The following ENY2 variants were observed in gnomAD, a reference collection of about 807,000 sequenced individuals.
ENY2 encodes ENY2 transcription and export complex 2 subunit.
A neutral mutation model predicts 15.9 loss-of-function variants in ENY2; 4 were observed. The observed-to-expected ratio is 0.25, with a 90% confidence interval of 0.12 to 0.57. The LOEUF (loss-of-function observed/expected upper bound fraction) is 0.57. Ranked by LOEUF, ENY2 falls within the 20% of genes least tolerant of loss-of-function variation. ENY2 has a pLI of 0.91. For synonymous variants in ENY2, 48 were observed against 38.0 expected (o/e 1.26, Z -0.97); for missense variants, 54 against 117.2 (o/e 0.46, Z 2.49).
intron 2 of ENY2, among the ~76,000 whole-genome samples, chr8:109,336,917 A>G (rs921259593): frequency 6.6e-6 from 1 of 152,010 alleles, no homozygotes; most frequent in Non-Finnish European, 1.5e-5. Context: ...TAAAGTGAGT[A>G]AGACAAATAT....
chr8:109,338,491 T>C (rs943835972), intron 2 of ENY2: 1 of 152,138 alleles, frequency 6.6e-6, no homozygotes, highest in East Asian at 1.9e-4. Flanking sequence ...AAAGACCTAA[T>C]TAAATATTAA....
chr8:109,334,605 C>A (rs918076203), intron 1 of ENY2, 131 bp downstream of exon 1: 2 of 1,142,384 alleles, frequency 1.8e-6, no homozygotes, highest in South Asian at 1.6e-5. Context: ...GGCGTGCTAC[C>A]GGAGTTGGCC....
At chr8:109,338,806 G>C (rs1816049751) in intron 2 of ENY2, 1 of 152,630 alleles carries the variant, frequency 6.6e-6, no homozygotes, top group East Asian at 1.9e-4. Flanking sequence ...AAATACCATT[G>C]TCATTTTGTA....
In ENY2 at chr8:109,343,615, A is replaced by G. The variant is rs1208533233; in HGVS notation, c.*134A>G. 1.4e-5 allele frequency: 8 copies of G among 587,624 alleles called. No individual in the cohort carries two copies. The Admixed American group carries it at 3.2e-4, about 24-fold the overall frequency. The allele number at this position is 587,624 out of a possible 1,614,324, so 36.4% of individuals were successfully genotyped here. A position where few individuals can be genotyped will look rare whatever the true frequency, so the allele number is the denominator to read the frequency against. The stretch of plus-strand genomic sequence containing the variant: ...TTTTCAGTAATGATGTATACATTGT[A>G]TTGATTTTTTTCCCTAAATGTGTTA... On this transcript the variant is annotated 3_prime_UTR_variant, in exon 5 of 5. Transcript: ENST00000521688.
chr8:109,341,125 T>A (rs1045652281), intron 4 of ENY2, among the ~76,000 whole-genome samples: 2 of 152,140 alleles, frequency 1.3e-5, no homozygotes, highest in African/African-American at 2.4e-5. Context: ...AATATTATGT[T>A]AAAACTGATG....
rs1816084701 is a variant in ENY2, at chr8:109,340,261, A to G, written c.155-228A>G. On this transcript the variant is annotated intron_variant, in intron 3 of 4. Coordinates refer to ENST00000521688, the MANE Select transcript of ENY2 (RefSeq NM_020189.6). ...ACAGTCTAAATTTATTGTAAGTGTC[A>G]CAATTATTTAGTTGCTGGTTATTTA... The G allele has an allele frequency of 1.6e-5, 8 of 515,876 alleles. No individual in the cohort carries two copies. In the East Asian group the frequency reaches 3.0e-4, roughly 19 times the overall value. The allele number at this position is 515,876 out of a possible 1,614,324, so 32.0% of individuals were successfully genotyped here.
Position 109,343,675 on chromosome 8 carries a change from T to G in ENY2, c.*194T>G. On this transcript the variant is annotated 3_prime_UTR_variant, in exon 5 of 5. Transcript: ENST00000521688. ...ATATCTCATGAATGAGTTTGAAGTT[T>G]GCTTGGATTTTGAAATGAATGGGAC... 1 of 498,424 alleles carries G rather than the reference T, an allele frequency of 2.0e-6. No homozygotes were observed. The highest frequency in any genetic ancestry group is 2.0e-5 in the African/African-American group (1 of 50,066). 30.9% of individuals were successfully genotyped at this position (498,424 alleles called of 1,614,324 possible).
Position 109,343,421 on chromosome 8 carries a change from T to C in ENY2, c.246T>C (p.Ser82=). Residue 82 remains serine (S), a synonymous_variant, in exon 5 of 5, where the codon AGT becomes AGC. Transcript: ENST00000521688. ...GTTTTTCAGCCCTGGTACCTGACAG[T>C]GTAAAGAAGGAGCTCCTACAAAGAA... ...TPKGRALVPD[S]VKKELLQRIR... The C allele has an allele frequency of 6.2e-7, 1 of 1,612,124 alleles. No homozygotes were observed. Among genetic ancestry groups the C allele is most frequent in the Non-Finnish European group, 8.5e-7 (1 of 1,179,256 alleles).
In ENY2 at chr8:109,336,048, T is replaced by G. The variant is rs187831643; in HGVS notation, c.7-80T>G. On this transcript the variant is annotated intron_variant, in intron 1 of 4. Transcript: ENST00000521688. ...CCTTCAGTTAATAGAATGGTAAACA[T>G]GTTAGGATGCCTGCCTAGAGGATTT... 2.3e-6 allele frequency: 3 copies of G among 1,292,148 alleles called. No homozygotes were observed. In the Admixed American group the frequency reaches 5.6e-5, roughly 24 times the overall value. 80.0% of individuals were successfully genotyped at this position (1,292,148 alleles called of 1,614,324 possible).
intron 3 of ENY2, chr8:109,339,609 T>C: frequency 2.2e-6 from 1 of 445,156 alleles, no homozygotes; most frequent in Non-Finnish European, 4.0e-6. Context: ...TAAGATTTTC[T>C]CTGGCATCAG....
At chr8:109,340,765 C>A in intron 4 of ENY2, 1 of 564,522 alleles carries the variant, frequency 1.8e-6, no homozygotes, top group Non-Finnish European at 3.1e-6. Context: ...TTCTTGTACT[C>A]TAGAACAGTG....
intron 2 of ENY2, chr8:109,338,850 G>A (rs1648288291): frequency 3.3e-5 from 5 of 153,804 alleles, no homozygotes; most frequent in Admixed American, 3.2e-4. Context: ...GGATCAAAGA[G>A]GTGGGTAGCC....
chr8:109,342,164 C>CCT (rs1491293397), intron 4 of ENY2, among the ~76,000 whole-genome samples: 12 of 130,998 alleles, frequency 9.2e-5, no homozygotes, highest in South Asian at 4.7e-4. Flanking sequence ...TAACCCCCCC[C>CCT]TTTTTTTTTT....
chr8:109,345,176 C>G lies in ENY2; in HGVS notation c.*1695C>G, dbSNP rs557106792. 1 of 152,256 alleles carries G rather than the reference C, an allele frequency of 6.6e-6. No homozygotes were observed. Among genetic ancestry groups the G allele is most frequent in the South Asian group, 2.1e-4 (1 of 4,830 alleles). 9.4% of individuals were successfully genotyped at this position (152,256 alleles called of 1,614,324 possible). A position where few individuals can be genotyped will look rare whatever the true frequency, so the allele number is the denominator to read the frequency against. On this transcript the variant is annotated 3_prime_UTR_variant, in exon 5 of 5. Transcript: ENST00000521688. ...ACTTAGATCCCCCACTACTGTTTTT[C>G]TGTGAGAAGCAGCTATGCATAATTC...
intron 1 of ENY2, 23 bp from the exon 2 acceptor site, chr8:109,336,105 T>A: frequency 6.2e-7 from 1 of 1,610,604 alleles, no homozygotes; most frequent in African/African-American, 1.3e-5. Context: ...GTTCTATATC[T>A]GAAAGTACAT....
chr8:109,336,150 C>G lies in ENY2; in HGVS notation c.29C>G (p.Ala10Gly), dbSNP rs750806375. 1 of 1,613,194 alleles carries G rather than the reference C, an allele frequency of 6.2e-7. No individual in the cohort carries two copies. The highest frequency in any genetic ancestry group is 8.5e-7 in the Non-Finnish European group (1 of 1,179,504). ...CAGGTTAGCAAGATGAACAAAGATG[C>G]GCAGATGAGAGCAGCGATTAACCAA... MVVSKMNKD[A>G]QMRAAINQKL... The change falls in exon 2 of 5, where the codon GCG becomes GGG. Residue 10 changes from alanine to glycine, a missense_variant. By Grantham distance (60) the Ala-to-Gly change is moderately conservative. Coordinates refer to ENST00000521688, the MANE Select transcript of ENY2 (RefSeq NM_020189.6).
rs1397305604 is a variant in ENY2 at position 109,344,621 on chromosome 8, A to G, written c.*1140A>G. The stretch of plus-strand genomic sequence containing the variant: ...TATTTCTGAATGGTACCTCCTAGCT[A>G]TATAGATTATCTGAGGAGCTTACTG... On this transcript the variant is annotated 3_prime_UTR_variant, in exon 5 of 5. Coordinates refer to ENST00000521688, the MANE Select transcript of ENY2 (RefSeq NM_020189.6). 1 of 152,122 alleles carries G rather than the reference A, an allele frequency of 6.6e-6. No individual in the cohort carries two copies. The highest frequency in any genetic ancestry group is 6.5e-5 in the Admixed American group (1 of 15,270). The allele number at this position is 152,122 out of a possible 1,614,324, so 9.4% of individuals were successfully genotyped here.
intron 2 of ENY2, 21 bp from the exon 3 acceptor site, chr8:109,339,299 A>G: frequency 6.2e-7 from 1 of 1,611,130 alleles, no homozygotes; most frequent in Non-Finnish European, 8.5e-7. Flanking sequence ...GTTCAATTTG[A>G]AAACACTTCT....
At chr8:109,342,798 C>G in intron 4 of ENY2, 1 of 675,052 alleles carries the variant, frequency 1.5e-6, no homozygotes, top group Non-Finnish European at 2.7e-6. Flanking sequence ...GCCATCGTAC[C>G]CAGCCAACAC....
Sources: allele counts gnomAD v4.1 joint callset (sites outside exome capture counted in the v4.1 genomes callset), GRCh38; gene constraint gnomAD v4.1.1; transcripts MANE v1.5; gene names NCBI Gene and HGNC (gene_info 2026-07-23, HGNC 2026-07-21).